STARD3NL: variants seen among roughly 807,000 people sequenced by gnomAD.
STARD3NL encodes the protein STARD3 N-terminal like, also known as STARD3 N-terminal-like protein.
Under a neutral mutation model 30.9 loss-of-function variants are expected in STARD3NL, and 17 were observed. The observed-to-expected ratio is 0.55, with a 90% CI of 0.38 to 0.82. The LOEUF (loss-of-function observed/expected upper bound fraction) is 0.82, where lower values mean the gene tolerates loss of function less well. STARD3NL is among the 40% of genes least tolerant of loss of function. STARD3NL has a pLI of 0.00. For synonymous variants in STARD3NL, 112 were observed against 100.5 expected (o/e 1.11, Z -0.69); for missense variants, 234 against 277.6 (o/e 0.84, Z 1.12).
intron 2 of STARD3NL, among the ~76,000 whole-genome samples, chr7:38,213,922 A>G (rs1230524439): frequency 6.6e-6 from 1 of 152,250 alleles, no homozygotes; most frequent in African/African-American, 2.4e-5. Context: ...GCTAATGGCC[A>G]TCATTGACGT....
At chr7:38,192,837 A>G (rs1784742486) in intron 1 of STARD3NL, among the ~76,000 whole-genome samples, 1 of 152,050 alleles carries the variant, frequency 6.6e-6, no homozygotes, top group South Asian at 2.1e-4. Context: ...CTCTTTCCAC[A>G]CATATAGCCC....
In STARD3NL at chr7:38,194,890, G is replaced by A. The variant is rs368105891; in HGVS notation, c.-58-12557G>A. On this transcript the variant is annotated intron_variant, in intron 1 of 8. Transcript: ENST00000009041. ...TATAGTATTGAAATAATCTGTATTC[G>A]TATCATTAAAATATCAAATAGGCTA... Among the ~76,000 whole-genome samples, 8 of 152,060 alleles carry A rather than the reference G, an allele frequency of 5.3e-5. No individual in the cohort carries two copies. In the South Asian group the frequency reaches 8.3e-4, roughly 16 times the overall value.
intron 1 of STARD3NL, among the ~76,000 whole-genome samples, chr7:38,205,073 A>C (rs1322538409): frequency 1.3e-5 from 2 of 152,258 alleles, no homozygotes; most frequent in African/African-American, 2.4e-5. Context: ...AGGAGCTGGT[A>C]CCATTCCTTC....
chr7:38,211,844 G>T (rs559973164), intron 2 of STARD3NL, among the ~76,000 whole-genome samples: 144 of 152,256 alleles, frequency 9.5e-4, no homozygotes, highest in African/African-American at 3.3e-3. Flanking sequence ...TGATTTGCTT[G>T]TTTTGTATTT....
At chr7:38,195,634 T>G (rs994049435) in intron 1 of STARD3NL, among the ~76,000 whole-genome samples, 4 of 152,206 alleles carry the variant, frequency 2.6e-5, no homozygotes, top group Non-Finnish European at 4.4e-5. Flanking sequence ...ATAATTCCAG[T>G]TAAGGAAAAT....
chr7:38,196,673 G>A (rs1784910436), intron 1 of STARD3NL, among the ~76,000 whole-genome samples: 1 of 152,022 alleles, frequency 6.6e-6, no homozygotes, highest in East Asian at 1.9e-4. Flanking sequence ...CAAATAACTG[G>A]CCGAGTGAGT....
At chr7:38,193,214 C>T (rs944147478) in intron 1 of STARD3NL, among the ~76,000 whole-genome samples, 1 of 152,178 alleles carries the variant, frequency 6.6e-6, no homozygotes, top group Non-Finnish European at 1.5e-5. Context: ...TTCGTGCATG[C>T]TTTTGAAATG....
At chr7:38,209,017 T>C (rs745539458) in intron 2 of STARD3NL, among the ~76,000 whole-genome samples, 6 of 152,144 alleles carry the variant, frequency 3.9e-5, no homozygotes, top group Non-Finnish European at 7.4e-5. Flanking sequence ...ATAATATTTG[T>C]CCCATAATCA....
Position 38,219,824 on chromosome 7 carries a change from T to C in STARD3NL, c.649+164T>C, listed in dbSNP as rs1202631576. On this transcript the variant is annotated intron_variant, in intron 7 of 8. Coordinates refer to ENST00000009041, the MANE Select transcript of STARD3NL (RefSeq NM_032016.4). ...GAGACACGGTCTCACATGAAACCAG[T>C]GGTAAGACACAGAGTTGTAAAAATA... Among the ~76,000 whole-genome samples the C allele has an allele frequency of 3.3e-5, 5 of 152,132 alleles. No homozygotes were observed. The East Asian group carries it at 7.7e-4, about 23-fold the overall frequency.
intron 1 of STARD3NL, among the ~76,000 whole-genome samples, chr7:38,180,081 A>G (rs11765477): frequency 0.22 from 33,343 of 152,218 alleles, 4,043 homozygotes; most frequent in Admixed American, 0.34. Flanking sequence ...ACAGGCAGGC[A>G]AGGGAAAGAT....
chr7:38,181,003 T>C (rs1055250232), intron 1 of STARD3NL, among the ~76,000 whole-genome samples: 3 of 152,340 alleles, frequency 2.0e-5, no homozygotes, highest in East Asian at 3.9e-4. Flanking sequence ...ACAGCATGAA[T>C]TTATTGTCCA....
chr7:38,190,217 T>C (rs927300518), intron 1 of STARD3NL, among the ~76,000 whole-genome samples: 1 of 152,184 alleles, frequency 6.6e-6, no homozygotes, highest in African/African-American at 2.4e-5. Context: ...CTGGGTGGGA[T>C]GGAGTGAGAT....
At chr7:38,216,768 C>G (rs764876294) in intron 4 of STARD3NL, 1 of 498,844 alleles carries the variant, frequency 2.0e-6, no homozygotes, top group Non-Finnish European at 3.6e-6. Flanking sequence ...ACTTAGTTAC[C>G]TAGCACACCA....
At chr7:38,207,161 AG>A (rs1221694845) in intron 1 of STARD3NL, among the ~76,000 whole-genome samples, 4 of 152,332 alleles carry the variant, frequency 2.6e-5, no homozygotes, top group Non-Finnish European at 5.9e-5. Context: ...CCAGGTCATC[AG>A]GAACACCTTT....
intron 2 of STARD3NL, among the ~76,000 whole-genome samples, chr7:38,208,277 C>T (rs1339336593): frequency 6.6e-6 from 1 of 152,188 alleles, no homozygotes; most frequent in African/African-American, 2.4e-5. Flanking sequence ...TAAGATTTTG[C>T]ACATGTTTGT....
chr7:38,202,773 T>C (rs1475949543), intron 1 of STARD3NL, among the ~76,000 whole-genome samples: 4 of 140,570 alleles, frequency 2.8e-5, no homozygotes, highest in African/African-American at 1.1e-4. Flanking sequence ...CCTTCCTGTG[T>C]CCAAGTGTTC....
chr7:38,226,562 C>T (rs956348173), intron 7 of STARD3NL, among the ~76,000 whole-genome samples: 6 of 152,164 alleles, frequency 3.9e-5, no homozygotes, highest in Admixed American at 1.3e-4. Context: ...CAAGTCCTCC[C>T]CAGCTTTTAC....
intron 1 of STARD3NL, among the ~76,000 whole-genome samples, chr7:38,192,107 T>C (rs964915635): frequency 6.6e-6 from 1 of 152,248 alleles, no homozygotes; most frequent in African/African-American, 2.4e-5. Flanking sequence ...TATCTTTTAT[T>C]AAATTTATTC....
intron 1 of STARD3NL, among the ~76,000 whole-genome samples, chr7:38,186,481 TA>T (rs1302594641): frequency 6.6e-6 from 1 of 152,200 alleles, no homozygotes; most frequent in African/African-American, 2.4e-5. Flanking sequence ...CCTGGAAGAT[TA>T]AAACAAAGGA....
Sources: gnomAD v4.1 joint callset for allele counts (sites outside exome capture counted in the v4.1 genomes callset) on GRCh38, gnomAD v4.1.1 for gene constraint, MANE v1.5 for transcripts, NCBI Gene and HGNC (gene_info 2026-07-23, HGNC 2026-07-21) for gene names.